The following MYL1 variants were observed in gnomAD, a reference collection of about 807,000 sequenced individuals.
MYL1 encodes the protein myosin light chain 1/3, skeletal muscle isoform.
In MYL1, 16 loss-of-function variants were observed where a neutral mutation model predicts 21.8. The ratio of observed to expected loss-of-function variants is 0.74; its 90% CI spans 0.50 to 1.12. The LOEUF (loss-of-function observed/expected upper bound fraction) is 1.12, where lower values mean the gene tolerates loss of function less well. MYL1 is among the 50% of genes most tolerant of loss of function. The pLI is 0.00. For synonymous variants in MYL1, 99 were observed against 85.2 expected, an observed-to-expected ratio of 1.16 and a Z score of -0.89; for missense variants, 246 against 241.0, an observed-to-expected ratio of 1.02 and a Z score of -0.14.
chr2:210,301,902 C>A (rs773527309), intron 2 of MYL1, among the ~76,000 whole-genome samples: 2 of 152,134 alleles, frequency 1.3e-5, no homozygotes, highest in Non-Finnish European at 2.9e-5. Flanking sequence ...TGAGAAAGTC[C>A]TGTCACCTCT....
chr2:210,303,619 G>T (rs1690297559), intron 1 of MYL1: 8 of 1,588,058 alleles, frequency 5.0e-6, no homozygotes, highest in Middle Eastern at 1.7e-4. Flanking sequence ...CCTGAGTGGG[G>T]TCATCCCTGG....
intron 5 of MYL1, among the ~76,000 whole-genome samples, chr2:210,291,427 T>C (rs1299589584): frequency 2.6e-5 from 4 of 152,180 alleles, no homozygotes; most frequent in Non-Finnish European, 4.4e-5. Context: ...TGTGCCCAGC[T>C]ATGGTTAAAA....
At chr2:210,306,340 C>T (rs1265429857) in intron 1 of MYL1, among the ~76,000 whole-genome samples, 1 of 146,712 alleles carries the variant, frequency 6.8e-6, no homozygotes, top group African/African-American at 2.6e-5. Flanking sequence ...GAGATCGCGC[C>T]ATTGTACCCC....
intron 2 of MYL1, among the ~76,000 whole-genome samples, chr2:210,299,856 A>G (rs562613100): frequency 6.6e-6 from 1 of 152,154 alleles, no homozygotes; most frequent in Non-Finnish European, 1.5e-5. Flanking sequence ...TTTTTAGGCT[A>G]TCAGTGGTTT....
At chr2:210,311,567 A>G (rs1690420381) in intron 1 of MYL1, among the ~76,000 whole-genome samples, 1 of 152,090 alleles carries the variant, frequency 6.6e-6, no homozygotes, top group Non-Finnish European at 1.5e-5. Context: ...AGTGAGAGAC[A>G]TGATTCACAA....
intron 5 of MYL1, 149 bp from the exon 6 acceptor site, chr2:210,291,223 A>G: frequency 1.7e-6 from 1 of 602,496 alleles, no homozygotes; most frequent in Non-Finnish European, 2.9e-6. Flanking sequence ...TATAGCTCAT[A>G]ATTCTTAGTA....
chr2:210,310,782 G>A (rs1056059509), intron 1 of MYL1, among the ~76,000 whole-genome samples: 3 of 151,998 alleles, frequency 2.0e-5, no homozygotes, highest in Admixed American at 1.3e-4. Flanking sequence ...TGGTTACACA[G>A]GACTGTGCAG....
At chr2:210,298,384 A>G (rs1690212119) in intron 3 of MYL1, 36 bp downstream of exon 3, 2 of 1,611,318 alleles carry the variant, frequency 1.2e-6, no homozygotes, top group Admixed American at 1.7e-5. Context: ...ACACTTCCCT[A>G]TACTTCCACA....
chr2:210,300,071 A>G (rs1263458544), intron 2 of MYL1, among the ~76,000 whole-genome samples: 3 of 152,160 alleles, frequency 2.0e-5, no homozygotes, highest in Non-Finnish European at 4.4e-5. Flanking sequence ...TGCTGCAGGC[A>G]CTGAGAAGTC....
chr2:210,312,393 T>C (rs1168373088), intron 1 of MYL1, among the ~76,000 whole-genome samples: 1 of 151,912 alleles, frequency 6.6e-6, no homozygotes, highest in Non-Finnish European at 1.5e-5. Context: ...TAAAGTTCAT[T>C]TTCTCTGCTT....
intron 3 of MYL1, 82 bp downstream of exon 3, chr2:210,298,338 C>CCACACACA: frequency 2.3e-6 from 3 of 1,292,866 alleles, no homozygotes; most frequent in Non-Finnish European, 3.2e-6. Flanking sequence ...CACACACATA[C>CCACACACA]TACACACACA....
Position 210,315,096 on chromosome 2 carries a change from T to C in MYL1, c.-54A>G, listed in dbSNP as rs1191707720. 1.3e-6 allele frequency: 2 copies of C among 1,578,480 alleles called. No individual in the cohort carries two copies. The highest frequency in any genetic ancestry group is 1.4e-5 in the African/African-American group (1 of 72,358). Reference sequence around the variant, plus strand: ...GAGAAGGAGTTCCTCCAAAAGAACCTGTCAAAATGATTCTTGGAAGAGGAG... The same window carrying C: ...GAGAAGGAGTTCCTCCAAAAGAACCCGTCAAAATGATTCTTGGAAGAGGAG... On this transcript the variant is annotated 5_prime_UTR_variant, in exon 1 of 7. Coordinates refer to ENST00000352451, the MANE Select transcript of MYL1 (RefSeq NM_079420.3).
At chr2:210,302,555 A>G in intron 1 of MYL1, 40 bp from the exon 2 acceptor site, 1 of 1,595,248 alleles carries the variant, frequency 6.3e-7, no homozygotes, top group South Asian at 1.1e-5. Context: ...GTTTTAACCA[A>G]ACAAAAATGT....
At chr2:210,308,626 G>C (rs1409866151) in intron 1 of MYL1, among the ~76,000 whole-genome samples, 3 of 151,166 alleles carry the variant, frequency 2.0e-5, no homozygotes, top group African/African-American at 4.9e-5. Flanking sequence ...AGTCACATAA[G>C]AGCAAAAACT....
At chr2:210,297,372 G>A (rs945637846) in intron 3 of MYL1, among the ~76,000 whole-genome samples, 1 of 151,942 alleles carries the variant, frequency 6.6e-6, no homozygotes. Flanking sequence ...GGGTAAGATG[G>A]CGTTTCATTG....
intron 2 of MYL1, among the ~76,000 whole-genome samples, chr2:210,299,373 C>T (rs186714576): frequency 9.7e-4 from 148 of 152,176 alleles, no homozygotes; most frequent in Non-Finnish European, 1.8e-3. Flanking sequence ...ATGCTCTGCC[C>T]GGTATCTTCC....
chr2:210,291,283 G>A (rs1690071502), intron 5 of MYL1, among the ~76,000 whole-genome samples: 1 of 152,186 alleles, frequency 6.6e-6, no homozygotes, highest in Non-Finnish European at 1.5e-5. Flanking sequence ...TTTTGAATAA[G>A]TGGTACATTC....
At chr2:210,307,901 A>G (rs1040773652) in intron 1 of MYL1, among the ~76,000 whole-genome samples, 3 of 152,166 alleles carry the variant, frequency 2.0e-5, no homozygotes, top group Non-Finnish European at 2.9e-5. Context: ...GAGTTATAGA[A>G]AAAATATTAA....
At chr2:210,307,664 G>A (rs1045005192) in intron 1 of MYL1, among the ~76,000 whole-genome samples, 2 of 151,884 alleles carry the variant, frequency 1.3e-5, no homozygotes, top group African/African-American at 2.4e-5. Flanking sequence ...TTTATGATTC[G>A]TGCTATCAAT....
Sources: allele counts gnomAD v4.1 joint callset (sites outside exome capture counted in the v4.1 genomes callset), GRCh38; gene constraint gnomAD v4.1.1; transcripts MANE v1.5; gene names NCBI Gene and HGNC (gene_info 2026-07-23, HGNC 2026-07-21).